Variants in LRRC18 observed in about 807,000 individuals in gnomAD.
LRRC18 encodes leucine-rich repeat-containing protein 18.
LRRC18 carries 12 observed loss-of-function variants against 11.2 expected under a neutral mutation model. That is an observed-to-expected ratio of 1.07 (90% CI 0.69 to 1.74). The LOEUF is 1.74. Among genes scored for constraint, LRRC18 ranks in the 40% most tolerant of loss-of-function variants. The pLI is 0.00. For missense variants in LRRC18, 374 were observed against 330.5 expected (o/e 1.13, Z -1.02); for synonymous variants, 155 against 130.6 (o/e 1.19, Z -1.27).
chr10:48,913,341 C>T, intron 1 of LRRC18, 51 bp downstream of exon 3: 2 of 1,559,542 alleles, frequency 1.3e-6, no homozygotes, highest in South Asian at 2.3e-5. Flanking sequence ...CCACTGCCCT[C>T]TTCCCTCCCT....
the LRRC18 span, among the ~76,000 whole-genome samples, chr10:48,939,781 G>A: frequency 3.3e-4 from 50 of 152,284 alleles, 1 homozygote; most frequent in Admixed American, 1.3e-3. Flanking sequence ...TGGTAATGGC[G>A]TCTTTCTCTG....
At chr10:48,910,769 G>T in intron 1 of LRRC18, 1 of 217,880 alleles carries the variant, frequency 4.6e-6, no homozygotes, top group Non-Finnish European at 7.8e-6. Context: ...GCTGGAGTGA[G>T]TGTCAGGCCA....
At chr10:48,917,302 T>A (rs1022337284), upstream of LRRC18, among the ~76,000 whole-genome samples, 8 of 152,286 alleles carry the variant, frequency 5.3e-5, no homozygotes, top group South Asian at 1.5e-3. Flanking sequence ...TCTCAGAAAG[T>A]GTGGAAAAAC....
chr10:48,918,104 A>C (rs1487902240), upstream of LRRC18, among the ~76,000 whole-genome samples: 1 of 152,218 alleles, frequency 6.6e-6, no homozygotes, highest in East Asian at 1.9e-4. Context: ...TAAATAGTAA[A>C]AAACTAAATA....
the LRRC18 span, among the ~76,000 whole-genome samples, chr10:48,924,330 C>G: frequency 6.6e-6 from 1 of 152,220 alleles, no homozygotes; most frequent in Non-Finnish European, 1.5e-5. Context: ...TAGAAGCAGA[C>G]CCAGTGCCAG....
At chr10:48,911,423 G>A (rs796157589) in intron 1 of LRRC18, among the ~76,000 whole-genome samples, 15 of 152,256 alleles carry the variant, frequency 9.9e-5, no homozygotes, top group African/African-American at 3.6e-4. Context: ...CAATAATGAG[G>A]CTATGCCAAG....
chr10:48,910,820 C>A (rs547126686), intron 1 of LRRC18: 1 of 708,570 alleles, frequency 1.4e-6, no homozygotes. Context: ...GAGGACCAAG[C>A]ATGGCAAGAA....
At chr10:48,911,007 T>TACATGATGACTTTC in intron 1 of LRRC18, 1 of 610,988 alleles carries the variant, frequency 1.6e-6, no homozygotes, top group Non-Finnish European at 2.1e-6. Context: ...AAATGGAAAG[T>TACATGATGACTTTC]CATCATGTAG....
the LRRC18 span, among the ~76,000 whole-genome samples, chr10:48,936,603 CG>C: frequency 3.4e-3 from 420 of 123,048 alleles, 2 homozygotes; most frequent in South Asian, 0.025. Flanking sequence ...TTTCGGAGGC[CG>C]AAGAGGGTGG....
At chr10:48,916,048 T>C (rs1838500159), upstream of LRRC18, among the ~76,000 whole-genome samples, 1 of 152,210 alleles carries the variant, frequency 6.6e-6, no homozygotes, top group African/African-American at 2.4e-5. Flanking sequence ...ACCAAACTCC[T>C]GAAAGCAAGT....
chr10:48,913,693 G>C (rs1056830264), exon 1 of LRRC18: 1 of 1,613,024 alleles, frequency 6.2e-7, no homozygotes, highest in South Asian at 1.1e-5. Flanking sequence ...TTGTTCAGTA[G>C]GTTGTCATGG....
exon 2 of LRRC18, chr10:48,910,043 C>T (rs1837857944): frequency 5.4e-6 from 3 of 557,854 alleles, no homozygotes; most frequent in African/African-American, 3.7e-5. Context: ...AAGTCATTTT[C>T]ACACACAGGT....
At chr10:48,929,126 T>C in the LRRC18 span, among the ~76,000 whole-genome samples, 1 of 151,732 alleles carries the variant, frequency 6.6e-6, no homozygotes, top group South Asian at 2.1e-4. Flanking sequence ...TGAGCAGAGA[T>C]CAGAGGAAGT....
the LRRC18 span, among the ~76,000 whole-genome samples, chr10:48,935,438 C>T: frequency 2.8e-3 from 420 of 152,344 alleles, 2 homozygotes; most frequent in African/African-American, 9.9e-3. Flanking sequence ...GGGAGAGGAT[C>T]GAATCAGAGC....
At chr10:48,919,898 A>G in the LRRC18 span, among the ~76,000 whole-genome samples, 1 of 152,212 alleles carries the variant, frequency 6.6e-6, no homozygotes, top group African/African-American at 2.4e-5. Context: ...GTGATTCTCA[A>G]CGTATTTTCT....
At chr10:48,937,602 A>G in the LRRC18 span, among the ~76,000 whole-genome samples, 1 of 152,362 alleles carries the variant, frequency 6.6e-6, no homozygotes, top group East Asian at 1.9e-4. Context: ...AAATTAGACA[A>G]TAGGCAAAAA....
At chr10:48,909,969 T>A (rs1837852641) in exon 2 of LRRC18, 1 of 503,180 alleles carries the variant, frequency 2.0e-6, no homozygotes, top group Non-Finnish European at 3.5e-6. Context: ...CTATAATATA[T>A]AATCTGTAAT....
chr10:48,939,330 C>T, the LRRC18 span, among the ~76,000 whole-genome samples: 19 of 152,352 alleles, frequency 1.2e-4, no homozygotes, highest in African/African-American at 4.3e-4. Context: ...TTTCCAGACC[C>T]ATGGTCTCAC....
At chr10:48,933,287 G>A in the LRRC18 span, among the ~76,000 whole-genome samples, 127,091 of 152,196 alleles carry the variant, frequency 0.84, 54,894 homozygotes, top group Non-Finnish European at 0.94. Context: ...AAGTCTAAGT[G>A]CCTCATGTGC....
Sources: allele counts gnomAD v4.1 joint callset (sites outside exome capture counted in the v4.1 genomes callset), GRCh38; gene constraint gnomAD v4.1.1; transcripts MANE v1.5; gene names NCBI Gene and HGNC (gene_info 2026-07-23, HGNC 2026-07-21).